Variants in ROBO2 observed in about 807,000 individuals in gnomAD.
ROBO2 encodes roundabout homolog 2.
A neutral mutation model predicts 160.8 loss-of-function variants in ROBO2; 53 were observed. The observed-to-expected ratio is 0.33, with a 90% CI of 0.26 to 0.41. ROBO2 has a LOEUF of 0.41. Among genes scored for constraint, ROBO2 ranks in the 10% least tolerant of loss-of-function variants. ROBO2 has a pLI of 1.00. For synonymous variants in ROBO2, 664 were observed against 611.7 expected, an observed-to-expected ratio of 1.09 and a Z score of -1.26; for missense variants, 1,577 against 1,722.4, an observed-to-expected ratio of 0.92 and a Z score of 1.49.
chr3:76,916,389 TG>T (rs1231116794), intron 2 of ROBO2, among the ~76,000 whole-genome samples: 4 of 152,046 alleles, frequency 2.6e-5, no homozygotes, highest in African/African-American at 9.7e-5. Context: ...TCACCAAGGT[TG>T]GGGTGTAGTG....
intron 2 of ROBO2, among the ~76,000 whole-genome samples, chr3:77,452,156 G>A (rs868070029): frequency 1.3e-5 from 2 of 151,902 alleles, no homozygotes; most frequent in Admixed American, 1.3e-4. Context: ...TTTAAACAAG[G>A]AATAATTTTG....
intron 2 of ROBO2, among the ~76,000 whole-genome samples, chr3:76,443,579 A>G (rs895978748): frequency 6.6e-6 from 1 of 152,206 alleles, no homozygotes; most frequent in Non-Finnish European, 1.5e-5. Context: ...CCTGCTAAAA[A>G]TGCCCTTTTC....
intron 2 of ROBO2, among the ~76,000 whole-genome samples, chr3:76,645,790 G>T (rs1405846787): frequency 6.6e-6 from 1 of 152,110 alleles, no homozygotes; most frequent in African/African-American, 2.4e-5. Flanking sequence ...GGAGAGAAAA[G>T]AACTTAAAGT....
At chr3:77,568,072 T>C (rs2093537139) in intron 12 of ROBO2, among the ~76,000 whole-genome samples, 1 of 152,000 alleles carries the variant, frequency 6.6e-6, no homozygotes, top group Non-Finnish European at 1.5e-5. Context: ...TGAATGCGGA[T>C]GAGGGATTAC....
At chr3:77,400,416 G>T (rs1261155350) in intron 2 of ROBO2, among the ~76,000 whole-genome samples, 1 of 152,134 alleles carries the variant, frequency 6.6e-6, no homozygotes, top group Non-Finnish European at 1.5e-5. Context: ...ATCAACCGTG[G>T]ATTCTTCTGG....
intron 2 of ROBO2, among the ~76,000 whole-genome samples, chr3:76,491,687 A>T (rs2079833347): frequency 6.6e-6 from 1 of 152,164 alleles, no homozygotes; most frequent in Admixed American, 6.5e-5. Flanking sequence ...ACAGTCAAAC[A>T]TTGCTTCCTT....
At chr3:76,033,853 C>T (rs1180901075) in intron 2 of ROBO2, among the ~76,000 whole-genome samples, 2 of 152,136 alleles carry the variant, frequency 1.3e-5, no homozygotes, top group Non-Finnish European at 2.9e-5. Flanking sequence ...TGCGGCCTGT[C>T]ACCCTCCCGT....
intron 2 of ROBO2, among the ~76,000 whole-genome samples, chr3:76,078,782 A>G (rs1230029866): frequency 2.0e-5 from 3 of 152,244 alleles, no homozygotes; most frequent in South Asian, 4.1e-4. Flanking sequence ...TAGATAATAT[A>G]TAATAAAATA....
intron 9 of ROBO2, among the ~76,000 whole-genome samples, chr3:77,562,097 C>T (rs2093339343): frequency 6.6e-6 from 1 of 152,022 alleles, no homozygotes; most frequent in Admixed American, 6.6e-5. Flanking sequence ...GAGCAAAACT[C>T]TGTCTCGGGG....
chr3:77,289,238 A>C (rs918904762), intron 2 of ROBO2, among the ~76,000 whole-genome samples: 3 of 152,150 alleles, frequency 2.0e-5, no homozygotes, highest in African/African-American at 7.2e-5. Flanking sequence ...CCAGATTGTA[A>C]ATTGAGGTAA....
At position 76,141,179 on chromosome 3, in the gene ROBO2, A is replaced by ATT. The variant is rs1553656234; in HGVS notation, c.109+203578_109+203579insTT. ...TCTCTCTATATATATATATATATAT[A>ATT]TATATATATTTAATGTCTGATATAT... On this transcript the variant is annotated intron_variant, in intron 2 of 26. Transcript: ENST00000487694. Among the ~76,000 whole-genome samples the ATT allele has an allele frequency of 3.5e-4, 37 of 104,488 alleles. 1 individual carries two copies. The highest frequency in any genetic ancestry group is 1.2e-3 in the African/African-American group (34 of 29,280). 68.5% of individuals were successfully genotyped at this position (104,488 alleles called of 152,430 possible).
intron 8 of ROBO2, among the ~76,000 whole-genome samples, chr3:77,554,935 C>T (rs1027053100): frequency 2.6e-5 from 4 of 151,948 alleles, no homozygotes; most frequent in African/African-American, 4.8e-5. Flanking sequence ...TATAACACAG[C>T]ATTGCATGCT....
chr3:76,562,933 TTTTC>T (rs2084291142), intron 2 of ROBO2, among the ~76,000 whole-genome samples: 1 of 152,038 alleles, frequency 6.6e-6, no homozygotes, highest in African/African-American at 2.4e-5. Context: ...CCTTTCTTTC[TTTTC>T]TTTCTTTCTC....
At chr3:76,852,592 T>C (rs1034312326) in intron 2 of ROBO2, among the ~76,000 whole-genome samples, 1 of 152,172 alleles carries the variant, frequency 6.6e-6, no homozygotes, top group African/African-American at 2.4e-5. Flanking sequence ...GTTATGCTAC[T>C]TTTCAAGTAT....
chr3:77,178,550 G>T (rs533378161), intron 2 of ROBO2, among the ~76,000 whole-genome samples: 1 of 152,034 alleles, frequency 6.6e-6, no homozygotes, highest in South Asian at 2.1e-4. Flanking sequence ...TTACTAAACA[G>T]GTGAGAATGC....
At chr3:76,507,395 G>T (rs898450171) in intron 2 of ROBO2, among the ~76,000 whole-genome samples, 1 of 151,934 alleles carries the variant, frequency 6.6e-6, no homozygotes, top group African/African-American at 2.4e-5. Flanking sequence ...ATGAACTTAT[G>T]AGTTCTTTAT....
intron 2 of ROBO2, among the ~76,000 whole-genome samples, chr3:76,915,757 G>A (rs978137826): frequency 6.6e-6 from 1 of 151,746 alleles, no homozygotes. Context: ...TTCTTGCTTA[G>A]AGCAAGGATC....
intron 2 of ROBO2, among the ~76,000 whole-genome samples, chr3:77,158,287 C>T (rs2150586040): frequency 6.6e-6 from 1 of 152,216 alleles, no homozygotes; most frequent in African/African-American, 2.4e-5. Context: ...TTGGTCAATA[C>T]AGGCTTCATG....
intron 2 of ROBO2, among the ~76,000 whole-genome samples, chr3:77,252,676 CG>C (rs1160333536): frequency 1.3e-5 from 2 of 149,544 alleles, no homozygotes; most frequent in African/African-American, 4.9e-5. Flanking sequence ...GGCGTGGTGG[CG>C]GGCGCCTGTA....
Sources: allele counts gnomAD v4.1 joint callset (sites outside exome capture counted in the v4.1 genomes callset), GRCh38; gene constraint gnomAD v4.1.1; transcripts MANE v1.5; gene names NCBI Gene and HGNC (gene_info 2026-07-23, HGNC 2026-07-21).